Variants in CLOCK observed in about 807,000 individuals in gnomAD.
CLOCK encodes circadian locomoter output cycles protein kaput.
A neutral mutation model predicts 118.4 loss-of-function variants in CLOCK; 43 were observed. The observed-to-expected ratio is 0.36, with a 90% CI of 0.28 to 0.47. CLOCK has a LOEUF of 0.47. Ranked by LOEUF, CLOCK falls within the 20% of genes least tolerant of loss-of-function variation. The pLI, the probability that CLOCK is intolerant of heterozygous loss-of-function variation, is 1.00. For synonymous variants in CLOCK, 326 were observed against 339.2 expected, an observed-to-expected ratio of 0.96 and a Z score of 0.43; for missense variants, 846 against 999.9, an observed-to-expected ratio of 0.85 and a Z score of 2.08.
In CLOCK at chr4:55,504,101, A is replaced by G. The variant is rs545730217; in HGVS notation, c.-136+5811T>C. Among the ~76,000 whole-genome samples the G allele has an allele frequency of 1.3e-4, 19 of 150,926 alleles. No individual in the cohort carries two copies. In the East Asian group the frequency reaches 1.7e-3, roughly 14 times the overall value. ...AGATCGAGACCATCCTGGCTAACAC[A>G]GTGAAACCCTGTCTCTACTAAAAAT... is the stretch of plus-strand genomic sequence containing the variant. On this transcript the variant is annotated intron_variant, in intron 2 of 22. Coordinates refer to ENST00000513440, the MANE Select transcript of CLOCK (RefSeq NM_004898.4).
intron 8 of CLOCK, among the ~76,000 whole-genome samples, chr4:55,467,264 C>T (rs1179292215): frequency 6.6e-6 from 1 of 152,030 alleles, no homozygotes; most frequent in Non-Finnish European, 1.5e-5. Flanking sequence ...TTTTTTAAAA[C>T]AGTCAAATCA....
At chr4:55,486,015 C>G (rs1006761968) in intron 3 of CLOCK, among the ~76,000 whole-genome samples, 5 of 152,172 alleles carry the variant, frequency 3.3e-5, no homozygotes, top group Non-Finnish European at 7.3e-5. Flanking sequence ...GGTGATATGA[C>G]TTCCCAGCTC....
At chr4:55,459,952 C>A (rs1370305220) in intron 9 of CLOCK, among the ~76,000 whole-genome samples, 1 of 152,168 alleles carries the variant, frequency 6.6e-6, no homozygotes, top group East Asian at 1.9e-4. Flanking sequence ...CTGCACCTGG[C>A]CAAGGGTCCT....
intron 1 of CLOCK, among the ~76,000 whole-genome samples, chr4:55,531,621 C>T (rs528475321): frequency 2.4e-4 from 34 of 142,242 alleles, no homozygotes; most frequent in Middle Eastern, 3.9e-3. Flanking sequence ...AGGAGAATCG[C>T]TTGAACCCAG....
At chr4:55,494,498 AAG>A (rs1727923636) in intron 2 of CLOCK, among the ~76,000 whole-genome samples, 1 of 152,180 alleles carries the variant, frequency 6.6e-6, no homozygotes. Flanking sequence ...ATATATCAGA[AAG>A]AACGGTCAAA....
At chr4:55,454,862 ACCCCGCCGC>A (rs1724804730) in intron 13 of CLOCK, among the ~76,000 whole-genome samples, 1 of 106,328 alleles carries the variant, frequency 9.4e-6, no homozygotes, top group African/African-American at 3.6e-5. Flanking sequence ...CCACCCCCCA[ACCCCGCCGC>A]CACCGCCTCT....
intron 3 of CLOCK, among the ~76,000 whole-genome samples, chr4:55,484,774 C>T (rs977190008): frequency 1.3e-5 from 2 of 151,958 alleles, no homozygotes; most frequent in Non-Finnish European, 2.9e-5. Context: ...GGGGTGGTGG[C>T]GGGGACTAGG....
chr4:55,479,197 C>A, intron 5 of CLOCK: 1 of 420,822 alleles, frequency 2.4e-6, no homozygotes, highest in Non-Finnish European at 4.2e-6. Context: ...TATGAAAATG[C>A]CAATAAGAAA....
intron 1 of CLOCK, among the ~76,000 whole-genome samples, chr4:55,521,621 C>T (rs1729850694): frequency 1.3e-5 from 2 of 152,230 alleles, no homozygotes; most frequent in Non-Finnish European, 1.5e-5. Flanking sequence ...ACGGTGGTAA[C>T]ACCCCATGAA....
chr4:55,453,622 CA>C lies in CLOCK; in HGVS notation c.1130+54del, dbSNP rs946603383. On this transcript the variant is annotated intron_variant, in intron 14 of 22. Transcript: ENST00000513440. ...AACTTACGCATAAAAGTTACAATGCCAAAATCATCATAGGATGTTACAGTAA... is the reference window on the plus strand; with the variant it reads ...AACTTACGCATAAAAGTTACAATGCCAAATCATCATAGGATGTTACAGTAA... The C allele has an allele frequency of 2.1e-5, 33 of 1,536,232 alleles. No individual in the cohort carries two copies. The African/African-American group carries it at 4.1e-4, about 19-fold the overall frequency.
In CLOCK at chr4:55,478,254, T is replaced by A. The variant is rs984270317; in HGVS notation, c.256+561A>T. Among the ~76,000 whole-genome samples the A allele has an allele frequency of 1.2e-4, 18 of 152,272 alleles. No individual in the cohort carries two copies. In the South Asian group the frequency reaches 2.3e-3, roughly 19 times the overall value. On this transcript the variant is annotated intron_variant, in intron 6 of 22. Coordinates refer to ENST00000513440, the MANE Select transcript of CLOCK (RefSeq NM_004898.4). ...TTCTATTAACAAATACTTTATTTTA[T>A]AGTGTTGATTTACTAGATATACATT...
At chr4:55,505,305 A>AT (rs1296073987) in intron 2 of CLOCK, among the ~76,000 whole-genome samples, 1 of 152,182 alleles carries the variant, frequency 6.6e-6, no homozygotes, top group Non-Finnish European at 1.5e-5. Flanking sequence ...AAAGGGGACT[A>AT]TATTTTTTAA....
At chr4:55,524,296 G>A (rs1298990077) in intron 1 of CLOCK, among the ~76,000 whole-genome samples, 2 of 152,046 alleles carry the variant, frequency 1.3e-5, no homozygotes, top group African/African-American at 4.8e-5. Context: ...CAGCTACTCA[G>A]GAGGCTGAGG....
At position 55,479,204 on chromosome 4, in the gene CLOCK, G is replaced by A. The variant is rs1411466804; in HGVS notation, c.108-241C>T. The A allele has an allele frequency of 1.7e-5, 7 of 421,998 alleles. No homozygotes were observed. In the South Asian group the frequency reaches 2.0e-4, roughly 12 times the overall value. The allele number at this position is 421,998 out of a possible 1,614,324, so 26.1% of individuals were successfully genotyped here. On this transcript the variant is annotated intron_variant, in intron 5 of 22. Transcript: ENST00000513440. ...CATGTTTTTATGAAAATGCCAATAA[G>A]AAAAACTGCATTCAAATCACAAGTT... is the stretch of plus-strand genomic sequence containing the variant.
intron 1 of CLOCK, among the ~76,000 whole-genome samples, chr4:55,530,772 C>T (rs186744221): frequency 0.17 from 617 of 3,550 alleles, 13 homozygotes; most frequent in African/African-American, 0.31. Flanking sequence ...AAGACTCCAT[C>T]GCAAAAAAAA....
At chr4:55,488,641 C>T (rs1727469427) in intron 3 of CLOCK, among the ~76,000 whole-genome samples, 1 of 152,182 alleles carries the variant, frequency 6.6e-6, no homozygotes, top group South Asian at 2.1e-4. Flanking sequence ...CAGCTGGCTC[C>T]TTTTGCCATT....
intron 1 of CLOCK, among the ~76,000 whole-genome samples, chr4:55,520,369 T>C: frequency 6.6e-6 from 1 of 152,194 alleles, no homozygotes; most frequent in South Asian, 2.1e-4. Flanking sequence ...ATGCCAACTG[T>C]ATCCAAGGGT....
intron 8 of CLOCK, among the ~76,000 whole-genome samples, chr4:55,469,346 C>T (rs767317318): frequency 1.3e-5 from 2 of 152,198 alleles, no homozygotes; most frequent in East Asian, 3.9e-4. Context: ...CTGCATGCCT[C>T]GGCCTCCCAA....
chr4:55,428,508 C>T lies in CLOCK; in HGVS notation c.*6907G>A, dbSNP rs1476600534. 1 of 152,120 alleles carries T rather than the reference C, an allele frequency of 6.6e-6. No homozygotes were observed. Among genetic ancestry groups the T allele is most frequent in the Non-Finnish European group, 1.5e-5 (1 of 68,032 alleles). 9.4% of individuals were successfully genotyped at this position (152,120 alleles called of 1,614,324 possible). On this transcript the variant is annotated 3_prime_UTR_variant, in exon 23 of 23. Transcript: ENST00000513440. ...GGCAGAAGACAACAAATGGAAAATG[C>T]CTTTCGTTTCTATAAATCATTTTGG...
Sources: allele counts gnomAD v4.1 joint callset (sites outside exome capture counted in the v4.1 genomes callset), GRCh38; gene constraint gnomAD v4.1.1; transcripts MANE v1.5; gene names NCBI Gene and HGNC (gene_info 2026-07-23, HGNC 2026-07-21).